ESAM: variants seen among roughly 807,000 people sequenced by gnomAD.
The protein encoded by ESAM is endothelial cell adhesion molecule.
ESAM carries 23 observed loss-of-function variants against 31.8 expected under a neutral mutation model. That is an observed-to-expected ratio of 0.72 (90% CI 0.52 to 1.03). The LOEUF (loss-of-function observed/expected upper bound fraction) is 1.03, where lower values mean the gene tolerates loss of function less well. Ranked by LOEUF, ESAM falls within the 50% of genes least tolerant of loss-of-function variation. ESAM has a pLI of 0.00. For missense variants in ESAM, 478 were observed against 488.9 expected, an observed-to-expected ratio of 0.98 and a Z score of 0.21; for synonymous variants, 216 against 207.2, an observed-to-expected ratio of 1.04 and a Z score of -0.37.
intron 2 of ESAM, chr11:124,756,977 C>T (rs968178451): frequency 1.8e-5 from 10 of 543,902 alleles, no homozygotes; most frequent in Admixed American, 1.3e-4. Flanking sequence ...CTCCCAATTG[C>T]GGTGTTTAGA....
At chr11:124,758,143 A>C (rs1348402943) in intron 2 of ESAM, among the ~76,000 whole-genome samples, 2 of 152,046 alleles carry the variant, frequency 1.3e-5, no homozygotes, top group Non-Finnish European at 2.9e-5. Context: ...TGTGTGCTGG[A>C]TTTTTAGGGA....
chr11:124,754,125 ATCCCAATAGATGAGAGCTG>A lies in ESAM; in HGVS notation c.857+70_857+88del. ...GAATGATGTTTCAGCCACTGACCCC[ATCCCAATAGATGAGAGCTG>A]CCTGAATTCCCAGCCTCTGTGAGGA... On this transcript the variant is annotated intron_variant, in intron 6 of 6. Coordinates refer to ENST00000278927, the MANE Select transcript of ESAM (RefSeq NM_138961.3). This position sits in a 1 kb window ranked among gnomAD's most constrained non-coding sequence, Gnocchi z 4.5. 6.4e-7 allele frequency: 1 copy of A among 1,568,350 alleles called. No individual in the cohort carries two copies. Among genetic ancestry groups the A allele is most frequent in the African/African-American group, 1.4e-5 (1 of 73,870 alleles).
intron 1 of ESAM, among the ~76,000 whole-genome samples, chr11:124,760,590 CG>C (rs1944217074): frequency 6.6e-6 from 1 of 152,248 alleles, no homozygotes; most frequent in African/African-American, 2.4e-5. Context: ...CACGTTGCAC[CG>C]GGGTCACCAG....
Position 124,754,710 on chromosome 11 carries a change from C to T in ESAM, c.661G>A (p.Val221Ile). 1 of 1,614,118 alleles carries T rather than the reference C, an allele frequency of 6.2e-7. No homozygotes were observed. The highest frequency in any genetic ancestry group is 1.7e-5 in the Admixed American group (1 of 60,000). ...LTNLSSSMAG[V>I]YVCKAHNEVG... ...TCATTGTGGGCCTTGCAGACATAGACTCCAGCCATGGAAGACGAAAGGTTG... is the reference window on the plus strand; with the variant it reads ...TCATTGTGGGCCTTGCAGACATAGATTCCAGCCATGGAAGACGAAAGGTTG... Residue 221 changes from valine to isoleucine, a missense_variant, in exon 5 of 7, where the codon GTC (valine) becomes ATC (isoleucine). Transcript: ENST00000278927. This position sits in a 1 kb window ranked among gnomAD's most constrained non-coding sequence, Gnocchi z 4.5.
At position 124,753,937 on chromosome 11, in the gene ESAM, G is replaced by T. The variant is rs1944123609; in HGVS notation, c.882C>A (p.Thr294=). 6.2e-7 allele frequency: 1 copy of T among 1,613,836 alleles called. No individual in the cohort carries two copies. The highest frequency in any genetic ancestry group is 8.5e-7 in the Non-Finnish European group (1 of 1,179,992). ...DIKEDAIAPR[T]LPWPKSSDTI... Reference sequence around the variant, plus strand: ...TGTCTGAGCTCTTGGGCCAGGGCAGGGTCCGGGGAGCAATGGCATCCTCCC... The same window carrying T: ...TGTCTGAGCTCTTGGGCCAGGGCAGTGTCCGGGGAGCAATGGCATCCTCCC... Residue 294 remains threonine (T), a synonymous_variant, in exon 7 of 7, where the codon ACC becomes ACA. Coordinates refer to ENST00000278927, the MANE Select transcript of ESAM (RefSeq NM_138961.3).
Position 124,754,015 on chromosome 11 carries a change from G to T in ESAM, c.858-54C>A. ...AGAAGTGGGTGGGGGAAGGAGGAGA[G>T]AGTTTCTACCTGCTTGGTCTTATAT... On this transcript the variant is annotated intron_variant, in intron 6 of 6. Transcript: ENST00000278927. This position sits in a 1 kb window ranked among gnomAD's most constrained non-coding sequence, Gnocchi z 4.5. 1 of 1,594,894 alleles carries T rather than the reference G, an allele frequency of 6.3e-7. No individual in the cohort carries two copies.
chr11:124,756,293 C>T lies in ESAM; in HGVS notation c.521G>A (p.Cys174Tyr), dbSNP rs776223057. Residue 174 changes from cysteine (C) to tyrosine (Y), a missense_variant, in exon 4 of 7, where the codon TGC becomes TAC. Coordinates refer to ENST00000278927, the MANE Select transcript of ESAM (RefSeq NM_138961.3). ...AGCGGGCTTACTCCTTGGAGACTGG[C>T]AGCTCAGGGTCACGTTTGCCCCCAC... ...PHVGANVTLS[C>Y]QSPRSKPAVQ... 6.2e-7 allele frequency: 1 copy of T among 1,613,758 alleles called. No individual in the cohort carries two copies. Among genetic ancestry groups the T allele is most frequent in the Non-Finnish European group, 8.5e-7 (1 of 1,179,872 alleles).
At chr11:124,756,490 A>T in intron 3 of ESAM, 51 bp downstream of exon 3, 1 of 1,603,918 alleles carries the variant, frequency 6.2e-7, no homozygotes, top group Non-Finnish European at 8.5e-7. Flanking sequence ...GAGACTCACC[A>T]GACCTCCCAG....
intron 1 of ESAM, among the ~76,000 whole-genome samples, 163 bp downstream of exon 1, chr11:124,761,922 G>T (rs1201443850): frequency 6.6e-6 from 1 of 152,202 alleles, no homozygotes; most frequent in Admixed American, 6.5e-5. Context: ...GACAAAGCGA[G>T]AAGTCAGCGC....
intron 1 of ESAM, 99 bp downstream of exon 1, chr11:124,761,986 G>T: frequency 1.9e-6 from 2 of 1,076,178 alleles, no homozygotes; most frequent in Non-Finnish European, 2.8e-6. Flanking sequence ...AGGGCGAGTC[G>T]TGGGACCCAG....
chr11:124,761,759 C>T (rs1944231592), intron 1 of ESAM, among the ~76,000 whole-genome samples: 1 of 139,654 alleles, frequency 7.2e-6, no homozygotes, highest in East Asian at 2.1e-4. Flanking sequence ...CATCTAGCGG[C>T]TCAGCTCATC....
chr11:124,753,962 C>G lies in ESAM; in HGVS notation c.858-1G>C, dbSNP rs111371922. On this transcript the variant is annotated splice_acceptor_variant, in intron 6 of 6. Transcript: ENST00000278927. LOFTEE classifies it high-confidence loss of function. Reference sequence around the variant, plus strand: ...GGTCCGGGGAGCAATGGCATCCTCCCTAGTCATCAAAGAAATAACAAGAGG... The same window carrying G: ...GGTCCGGGGAGCAATGGCATCCTCCGTAGTCATCAAAGAAATAACAAGAGG... 6.2e-7 allele frequency: 1 copy of G among 1,612,844 alleles called. No homozygotes were observed. Among genetic ancestry groups the G allele is most frequent in the Non-Finnish European group, 8.5e-7 (1 of 1,179,716 alleles).
chr11:124,754,678 G>A lies in ESAM; in HGVS notation c.693C>T (p.Gly231=), dbSNP rs1944134421. The change falls in exon 5 of 7, where the codon GGC becomes GGT. Residue 231 remains glycine (G), a synonymous_variant. Transcript: ENST00000278927. This position sits in a 1 kb window ranked among gnomAD's most constrained non-coding sequence, Gnocchi z 4.5. ...VYVCKAHNEV[G]TAQCNVTLEV... The stretch of plus-strand genomic sequence containing the variant: ...CCAGCGTCACATTACATTGGGCAGT[G>A]CCCACCTCATTGTGGGCCTTGCAGA... 3.7e-6 allele frequency: 6 copies of A among 1,614,128 alleles called. No homozygotes were observed. The highest frequency in any genetic ancestry group is 5.1e-6 in the Non-Finnish European group (6 of 1,180,018).
intron 2 of ESAM, 55 bp downstream of exon 2, chr11:124,758,294 T>G (rs1244377557): frequency 6.2e-7 from 1 of 1,608,716 alleles, no homozygotes; most frequent in Non-Finnish European, 8.5e-7. Context: ...AGCTCTTTGC[T>G]TACAACCCCC....
In ESAM at chr11:124,756,546, A is replaced by G. The variant is rs780417419; in HGVS notation, c.446T>C (p.Val149Ala). Residue 149 changes from valine to alanine, a missense_variant, in exon 3 of 7, where the codon GTA (valine) becomes GCA (alanine). By Grantham distance (64) the Val-to-Ala change is moderately conservative (BLOSUM62 0). Coordinates refer to ENST00000278927, the MANE Select transcript of ESAM (RefSeq NM_138961.3). ...GHSIKTLELN[V>A]LVPPAPPSCR... ...GAAATCTGCTTCTCACTCACCCAGTACATTGAGTTCTAAGGTTTTGATGCT... is the reference window on the plus strand; with the variant it reads ...GAAATCTGCTTCTCACTCACCCAGTGCATTGAGTTCTAAGGTTTTGATGCT... 3.3e-5 allele frequency: 54 copies of G among 1,613,960 alleles called. No individual in the cohort carries two copies. Among genetic ancestry groups the G allele is most frequent in the Admixed American group, 3.2e-4 (19 of 60,008 alleles).
At chr11:124,758,589 G>T (rs1944186563) in intron 1 of ESAM, 62 bp from the exon 2 acceptor site, 2 of 1,434,756 alleles carry the variant, frequency 1.4e-6, no homozygotes, top group East Asian at 5.2e-5. Flanking sequence ...CGCGGACCCT[G>T]CCCTACGCGG....
chr11:124,755,004 A>G (rs1180888154), intron 4 of ESAM, among the ~76,000 whole-genome samples: 1 of 152,208 alleles, frequency 6.6e-6, no homozygotes, highest in East Asian at 1.9e-4. Flanking sequence ...AGGAGGCCAC[A>G]GAGAAAGTGA....
Position 124,759,966 on chromosome 11 carries a change from G to C in ESAM, c.71-1439C>G, listed in dbSNP as rs573280610. On this transcript the variant is annotated intron_variant, in intron 1 of 6. Transcript: ENST00000278927. This position sits in a 1 kb window ranked among gnomAD's most constrained non-coding sequence, Gnocchi z 6.8. ...GCCGGCTCTCCCCCAGCCTTTCTAC[G>C]ACACACACCCGGCGGCCAGAAAGGG... Among the ~76,000 whole-genome samples, 18 of 152,322 alleles carry C rather than the reference G, an allele frequency of 1.2e-4. 1 individual carries two copies. In the South Asian group the frequency reaches 3.5e-3, roughly 30 times the overall value.
At position 124,759,784 on chromosome 11, in the gene ESAM, A is replaced by G. The variant is rs1486875144; in HGVS notation, c.71-1257T>C. Among the ~76,000 whole-genome samples the G allele has an allele frequency of 6.6e-6, 1 of 151,722 alleles. No homozygotes were observed. Among genetic ancestry groups the G allele is most frequent in the Non-Finnish European group, 1.5e-5 (1 of 67,934 alleles). On this transcript the variant is annotated intron_variant, in intron 1 of 6. Coordinates refer to ENST00000278927, the MANE Select transcript of ESAM (RefSeq NM_138961.3). This position sits in a 1 kb window ranked among gnomAD's most constrained non-coding sequence, Gnocchi z 6.8. ...TCTGTGGTCTGGGCAGGAAATTTGT[A>G]CCCAGTGATAAGGCAGAAGACAATG...
Sources: gnomAD v4.1 joint callset for allele counts (sites outside exome capture counted in the v4.1 genomes callset) on GRCh38, gnomAD v4.1.1 for gene constraint, Gnocchi (gnomAD v3.1) non-coding constraint, MANE v1.5 for transcripts, NCBI Gene and HGNC (gene_info 2026-07-23, HGNC 2026-07-21) for gene names.